The following INPP5K variants were observed in gnomAD, a reference collection of about 807,000 sequenced individuals.
INPP5K encodes the protein inositol polyphosphate 5-phosphatase K.
INPP5K carries 35 observed loss-of-function variants against 53.5 expected under a neutral mutation model. The ratio of observed to expected loss-of-function variants is 0.65; its 90% CI spans 0.50 to 0.87. INPP5K has a LOEUF of 0.87. Ranked by LOEUF, INPP5K falls within the 40% of genes least tolerant of loss-of-function variation. The probability of loss-of-function intolerance (pLI) is 0.00; values close to 1 mark genes in which losing one functional copy is unlikely to be tolerated. For missense variants in INPP5K, 550 were observed against 586.2 expected, an observed-to-expected ratio of 0.94 and a Z score of 0.64; for synonymous variants, 253 against 232.8, an observed-to-expected ratio of 1.09 and a Z score of -0.79.
At chr17:1,514,603 G>A (rs567520869) in intron 1 of INPP5K, among the ~76,000 whole-genome samples, 47 of 152,124 alleles carry the variant, frequency 3.1e-4, no homozygotes, top group African/African-American at 9.2e-4. Flanking sequence ...TCAGGCTAGC[G>A]AAGGGTTAGG....
chr17:1,515,447 T>G (rs2075411825), intron 1 of INPP5K: 2 of 985,354 alleles, frequency 2.0e-6, no homozygotes, highest in Admixed American at 1.2e-4. Context: ...AGTGGAACAG[T>G]CAGTCACAGC....
At chr17:1,497,795 G>A (rs1454424728) in intron 8 of INPP5K, 141 bp downstream of exon 8, 7 of 727,932 alleles carry the variant, frequency 9.6e-6, no homozygotes, top group East Asian at 2.5e-5. Context: ...TGGGATATCC[G>A]ACCTGGCAGG....
In INPP5K at chr17:1,504,735, C is replaced by T. The variant is rs1477543725; in HGVS notation, c.776+2245G>A. 2.6e-5 allele frequency among the ~76,000 whole-genome samples: 4 copies of T among 152,354 alleles called. No individual in the cohort carries two copies. The East Asian group carries it at 5.8e-4, about 22-fold the overall frequency. ...GGAACTGATACAGGCAAAGCCTTGGCGCACACCTGCACGCCAATCACAATG... is the reference window on the plus strand; with the variant it reads ...GGAACTGATACAGGCAAAGCCTTGGTGCACACCTGCACGCCAATCACAATG... On this transcript the variant is annotated intron_variant, in intron 7 of 11. Coordinates refer to ENST00000421807, the MANE Select transcript of INPP5K (RefSeq NM_016532.4).
intron 7 of INPP5K, among the ~76,000 whole-genome samples, chr17:1,501,434 G>A (rs1311015051): frequency 6.6e-6 from 1 of 152,162 alleles, no homozygotes; most frequent in Non-Finnish European, 1.5e-5. Flanking sequence ...TATGCCCCTG[G>A]GCAAGTGACT....
At chr17:1,516,031 A>C in intron 1 of INPP5K, 1 of 1,025,030 alleles carries the variant, frequency 9.8e-7, no homozygotes, top group Non-Finnish European at 1.2e-6. Context: ...AGACCAGGCT[A>C]AGTCACTTCC....
intron 9 of INPP5K, 106 bp downstream of exon 9, chr17:1,496,560 G>A: frequency 2.7e-6 from 4 of 1,470,826 alleles, no homozygotes; most frequent in Non-Finnish European, 3.8e-6. Context: ...AACCGCTGGG[G>A]TGGATGAGGG....
intron 1 of INPP5K, chr17:1,515,312 G>A (rs1473746185): frequency 7.3e-6 from 3 of 408,218 alleles, no homozygotes; most frequent in Non-Finnish European, 6.6e-6. Context: ...CTGGGGAAAA[G>A]TCATCAGTTG....
intron 7 of INPP5K, among the ~76,000 whole-genome samples, chr17:1,504,068 C>T (rs1024338851): frequency 1.3e-5 from 2 of 152,214 alleles, no homozygotes; most frequent in Non-Finnish European, 2.9e-5. Context: ...TAGCTGTTCA[C>T]CTCCTTAACA....
chr17:1,497,854 T>C, intron 8 of INPP5K, 82 bp downstream of exon 8: 1 of 1,296,060 alleles, frequency 7.7e-7, no homozygotes, highest in South Asian at 1.3e-5. Context: ...CTGGCTGACA[T>C]TCGAATCCAG....
At position 1,511,217 on chromosome 17, in the gene INPP5K, A is replaced by G. The variant is rs370915514; in HGVS notation, c.262-1418T>C. 3.9e-5 allele frequency among the ~76,000 whole-genome samples: 6 copies of G among 152,324 alleles called. No individual in the cohort carries two copies. In the East Asian group the frequency reaches 1.2e-3, roughly 29 times the overall value. The stretch of plus-strand genomic sequence containing the variant: ...TTTACTCCTGCCAAGCCTGTAAGGA[A>G]TCACCGTCCCTGTTTTGTAGTTGAG... On this transcript the variant is annotated intron_variant, in intron 3 of 11. Transcript: ENST00000421807.
At chr17:1,516,183 T>C (rs779192135) in intron 1 of INPP5K, 32 of 1,116,732 alleles carry the variant, frequency 2.9e-5, no homozygotes, top group Non-Finnish European at 3.3e-5. Context: ...GTTATGTCTT[T>C]AACCTCAAAC....
chr17:1,508,401 C>A, intron 5 of INPP5K, 175 bp from the exon 6 acceptor site: 1 of 612,000 alleles, frequency 1.6e-6, no homozygotes, highest in South Asian at 1.9e-5. Context: ...GCTCCTAAAC[C>A]ACCATTCAAA....
chr17:1,503,113 T>G (rs545309907), intron 7 of INPP5K, among the ~76,000 whole-genome samples: 58 of 152,014 alleles, frequency 3.8e-4, no homozygotes, highest in African/African-American at 1.3e-3. Context: ...CCTGAGCTCC[T>G]GGGTTCAAGT....
chr17:1,513,153 G>C (rs533214628), intron 3 of INPP5K, among the ~76,000 whole-genome samples: 3 of 152,284 alleles, frequency 2.0e-5, no homozygotes, highest in African/African-American at 7.2e-5. Context: ...GAGACTGGTG[G>C]CTGGGGCAGC....
At chr17:1,514,151 C>T (rs1293020831) in intron 1 of INPP5K, among the ~76,000 whole-genome samples, 172 bp from the exon 2 acceptor site, 2 of 151,926 alleles carry the variant, frequency 1.3e-5, no homozygotes, top group Admixed American at 6.6e-5. Flanking sequence ...GGTGAAACCC[C>T]GTCTCTACTA....
chr17:1,515,570 T>G, intron 1 of INPP5K: 1 of 985,600 alleles, frequency 1.0e-6, no homozygotes, highest in East Asian at 1.1e-4. Context: ...GAGGAGTACC[T>G]GCAGCAGCTG....
intron 7 of INPP5K, 22 bp downstream of exon 7, chr17:1,506,958 T>C (rs750165603): frequency 6.5e-7 from 1 of 1,549,786 alleles, no homozygotes; most frequent in Non-Finnish European, 8.9e-7. Context: ...CTAGACCTTC[T>C]GGCCCCCCAC....
chr17:1,497,895 A>G, intron 8 of INPP5K, 41 bp downstream of exon 8: 1 of 1,554,636 alleles, frequency 6.4e-7, no homozygotes, highest in Non-Finnish European at 8.8e-7. Context: ...TGGCCAGCAT[A>G]GCTATTCCTC....
intron 8 of INPP5K, among the ~76,000 whole-genome samples, chr17:1,497,027 G>T (rs1356179541): frequency 6.6e-6 from 1 of 152,192 alleles, no homozygotes; most frequent in African/African-American, 2.4e-5. Context: ...ATCCCATGGG[G>T]CCCAGCGCTG....
Sources: gnomAD v4.1 joint callset for allele counts (sites outside exome capture counted in the v4.1 genomes callset) on GRCh38, gnomAD v4.1.1 for gene constraint, MANE v1.5 for transcripts, NCBI Gene and HGNC (gene_info 2026-07-23, HGNC 2026-07-21) for gene names.